The following SHANK2 variants were observed in gnomAD, a reference collection of about 807,000 sequenced individuals.
The protein encoded by SHANK2 is SH3 and multiple ankyrin repeat domains 2.
In SHANK2, 43 loss-of-function variants were observed where a neutral mutation model predicts 133.7. The ratio of observed to expected loss-of-function variants is 0.32; its 90% CI spans 0.25 to 0.41. The LOEUF (loss-of-function observed/expected upper bound fraction) is 0.41, where lower values mean the gene tolerates loss of function less well. Ranked by LOEUF, SHANK2 falls within the 10% of genes least tolerant of loss-of-function variation. SHANK2 has a pLI of 1.00. For missense variants in SHANK2, 1,994 were observed against 2,235.8 expected, an observed-to-expected ratio of 0.89 and a Z score of 2.18; for synonymous variants, 1,017 against 952.8, an observed-to-expected ratio of 1.07 and a Z score of -1.24.
chr11:71,077,551 A>G (rs1951237873), intron 8 of SHANK2, among the ~76,000 whole-genome samples: 1 of 152,210 alleles, frequency 6.6e-6, no homozygotes, highest in Non-Finnish European at 1.5e-5. Flanking sequence ...AAAAGGGCTG[A>G]ACAAAAACCA....
chr11:71,081,429 T>C (rs907651432), intron 8 of SHANK2, among the ~76,000 whole-genome samples: 4 of 152,348 alleles, frequency 2.6e-5, no homozygotes, highest in Admixed American at 2.6e-4. Flanking sequence ...CATTCCCACA[T>C]AAAGCTGCGG....
intron 17 of SHANK2, among the ~76,000 whole-genome samples, chr11:70,621,994 C>A (rs150141112): frequency 1.3e-5 from 2 of 152,106 alleles, no homozygotes; most frequent in African/African-American, 4.8e-5. Context: ...CCACACGGTG[C>A]CGGGAGGTTC....
intron 17 of SHANK2, among the ~76,000 whole-genome samples, chr11:70,557,066 TG>T (rs145569939): frequency 3.0e-3 from 453 of 152,310 alleles, no homozygotes; most frequent in Admixed American, 5.4e-3. Context: ...ATAAATGTAG[TG>T]GCATTGCTGG....
Position 70,535,449 on chromosome 11 carries a change from TCCAA to T in SHANK2, c.2062-32522_2062-32519del, listed in dbSNP as rs1432021522. On this transcript the variant is annotated intron_variant, in intron 17 of 25. Transcript: ENST00000601538. This position sits in a 1 kb window ranked among gnomAD's most constrained non-coding sequence, Gnocchi z 4.3. Reference sequence around the variant, plus strand: ...CCATCCATCTGCCATCATCCATCAGTCCAACCATCAGTCCGTCCGTCCATCCATC... The same window carrying T: ...CCATCCATCTGCCATCATCCATCAGTCCATCAGTCCGTCCGTCCATCCATC... 1.3e-5 allele frequency among the ~76,000 whole-genome samples: 2 copies of T among 152,090 alleles called. No individual in the cohort carries two copies. Among genetic ancestry groups the T allele is most frequent in the Non-Finnish European group, 2.9e-5 (2 of 68,006 alleles).
chr11:70,771,640 G>A (rs1947252231), intron 14 of SHANK2, among the ~76,000 whole-genome samples: 1 of 152,144 alleles, frequency 6.6e-6, no homozygotes, highest in Admixed American at 6.5e-5. Context: ...ACCTGGAGGA[G>A]GGGCGTGGAG....
intron 6 of SHANK2, among the ~76,000 whole-genome samples, chr11:71,104,816 C>T (rs1233434266): frequency 2.0e-5 from 3 of 152,248 alleles, no homozygotes; most frequent in Non-Finnish European, 4.4e-5. Flanking sequence ...GTGGCAGGCG[C>T]AGAAGCTGGG....
chr11:70,893,195 T>C (rs1555075055), intron 11 of SHANK2, among the ~76,000 whole-genome samples: 1 of 152,230 alleles, frequency 6.6e-6, no homozygotes, highest in Admixed American at 6.5e-5. Context: ...GTTTTCACTG[T>C]GGTTACTCAT....
intron 17 of SHANK2, among the ~76,000 whole-genome samples, chr11:70,632,438 C>T (rs539956762): frequency 3.3e-5 from 5 of 152,212 alleles, no homozygotes; most frequent in South Asian, 2.1e-4. Context: ...GGTTCCATCA[C>T]GGGCCCCGAA....
At chr11:70,765,032 A>T (rs974916699) in intron 14 of SHANK2, among the ~76,000 whole-genome samples, 2 of 152,232 alleles carry the variant, frequency 1.3e-5, no homozygotes, top group Non-Finnish European at 2.9e-5. Context: ...CAAGGGAAGA[A>T]GACTACACCA....
At chr11:70,919,565 A>T (rs1221032862) in intron 10 of SHANK2, among the ~76,000 whole-genome samples, 1 of 152,094 alleles carries the variant, frequency 6.6e-6, no homozygotes, top group Admixed American at 6.5e-5. Flanking sequence ...TATTTTTAGT[A>T]GAGTCAGAGT....
chr11:70,932,600 C>T (rs1555082697), intron 10 of SHANK2, among the ~76,000 whole-genome samples: 1 of 152,242 alleles, frequency 6.6e-6, no homozygotes, highest in African/African-American at 2.4e-5. Context: ...GAGATCCACC[C>T]TCAAGCATTC....
chr11:71,089,755 AG>A (rs1214594791), intron 8 of SHANK2, among the ~76,000 whole-genome samples: 2 of 152,130 alleles, frequency 1.3e-5, no homozygotes, highest in African/African-American at 4.8e-5. Flanking sequence ...ACAAATGAGG[AG>A]GGGGCCAGGG....
intron 3 of SHANK2, among the ~76,000 whole-genome samples, chr11:71,139,462 C>T (rs1952510897): frequency 6.6e-6 from 1 of 151,932 alleles, no homozygotes. Flanking sequence ...TGTAACTAAC[C>T]TGCACATTGT....
At chr11:70,622,137 A>G (rs1554998097) in intron 17 of SHANK2, among the ~76,000 whole-genome samples, 1 of 152,164 alleles carries the variant, frequency 6.6e-6, no homozygotes, top group Non-Finnish European at 1.5e-5. Flanking sequence ...CAGCTGGTCA[A>G]CCACTCCTCG....
chr11:70,852,607 G>C (rs1949103264), intron 11 of SHANK2, among the ~76,000 whole-genome samples: 1 of 152,248 alleles, frequency 6.6e-6, no homozygotes, highest in Admixed American at 6.5e-5. Flanking sequence ...CACTTTGGGA[G>C]GCCAAGGTGG....
chr11:70,720,417 G>A (rs1555028727), intron 14 of SHANK2, among the ~76,000 whole-genome samples: 1 of 152,236 alleles, frequency 6.6e-6, no homozygotes, highest in Non-Finnish European at 1.5e-5. Flanking sequence ...GGGACTGGAG[G>A]AATGTCCCTG....
chr11:70,834,182 C>T (rs3019842), intron 11 of SHANK2, among the ~76,000 whole-genome samples: 76,337 of 152,002 alleles, frequency 0.5, 19,550 homozygotes, highest in Middle Eastern at 0.61. Context: ...CAGGGGGAGA[C>T]GCAGGGGAGC....
chr11:70,671,374 G>A (rs1944804999), intron 15 of SHANK2, among the ~76,000 whole-genome samples: 2 of 152,182 alleles, frequency 1.3e-5, no homozygotes, highest in East Asian at 1.9e-4. Flanking sequence ...CCCTGGCCAA[G>A]TTCCTCAACC....
At chr11:71,190,423 G>A (rs782113774) in intron 2 of SHANK2, among the ~76,000 whole-genome samples, 5 of 152,178 alleles carry the variant, frequency 3.3e-5, no homozygotes, top group African/African-American at 7.2e-5. Flanking sequence ...TAAGCATCTC[G>A]GTACCCGTCT....
Sources: allele counts gnomAD v4.1 joint callset (sites outside exome capture counted in the v4.1 genomes callset), GRCh38; gene constraint gnomAD v4.1.1; non-coding constraint Gnocchi (gnomAD v3.1); transcripts MANE v1.5; gene names NCBI Gene and HGNC (gene_info 2026-07-23, HGNC 2026-07-21).